Variants in TMEM123 observed in about 807,000 individuals in gnomAD.
The protein encoded by TMEM123 is transmembrane protein 123.
TMEM123 carries 16 observed loss-of-function variants against 19.7 expected under a neutral mutation model. The ratio of observed to expected loss-of-function variants is 0.81; its 90% CI spans 0.55 to 1.23. The LOEUF (loss-of-function observed/expected upper bound fraction) is 1.23, where lower values mean the gene tolerates loss of function less well. Ranked by LOEUF, TMEM123 falls within the 50% of genes most tolerant of loss-of-function variation. The pLI is 0.00. For missense variants in TMEM123, 313 were observed against 257.8 expected (o/e 1.21, Z -1.47); for synonymous variants, 118 against 99.4 (o/e 1.19, Z -1.12).
rs962108555 is a variant in TMEM123, at chr11:102,397,745, T to C, written c.*1122A>G. Reference sequence around the variant, plus strand: ...ATGTCATTTCCCCAAATCTGAGTAATATCGACAGTGCATGAAAGAAAATAT... The same window carrying C: ...ATGTCATTTCCCCAAATCTGAGTAACATCGACAGTGCATGAAAGAAAATAT... On this transcript the variant is annotated 3_prime_UTR_variant, in exon 5 of 5. Transcript: ENST00000398136. The C allele has an allele frequency of 5.9e-5, 9 of 152,214 alleles. No homozygotes were observed. Among genetic ancestry groups the C allele is most frequent in the African/African-American group, 2.2e-4 (9 of 41,464 alleles). The allele number at this position is 152,214 out of a possible 1,614,324, so 9.4% of individuals were successfully genotyped here. A position where few individuals can be genotyped will look rare whatever the true frequency, so the allele number is the denominator to read the frequency against.
Position 102,438,822 on chromosome 11 carries a change from G to A in TMEM123, c.157+9990C>T, listed in dbSNP as rs114889541. ...CACCCGGGAAGCACAAGGGGTTGGGGAATCCCCTTTCCTAGCAAAGGGAAG... is the reference window on the plus strand; with the variant it reads ...CACCCGGGAAGCACAAGGGGTTGGGAAATCCCCTTTCCTAGCAAAGGGAAG... On this transcript the variant is annotated intron_variant, in intron 2 of 4. Transcript: ENST00000398136. Among the ~76,000 whole-genome samples, 1,228 of 152,330 alleles carry A rather than the reference G, an allele frequency of 8.1e-3. 20 individuals are homozygous for A. The highest frequency in any genetic ancestry group is 0.029 in the African/African-American group (1,190 of 41,564).
In TMEM123 at chr11:102,443,283, G is replaced by A. The variant is rs558666364; in HGVS notation, c.157+5529C>T. On this transcript the variant is annotated intron_variant, in intron 2 of 4. Transcript: ENST00000398136. ...AATAAAGCTGGAGGCATCATGCTAC[G>A]TGATTTCAAACTACACTACAAGGCT... 2.9e-4 allele frequency among the ~76,000 whole-genome samples: 44 copies of A among 152,168 alleles called. 1 individual carries two copies. Among genetic ancestry groups the A allele is most frequent in the African/African-American group, 9.4e-4 (39 of 41,516 alleles).
chr11:102,439,173 T>C lies in TMEM123; in HGVS notation c.157+9639A>G, dbSNP rs561674961. Among the ~76,000 whole-genome samples the C allele has an allele frequency of 2.6e-3, 396 of 152,214 alleles. 4 individuals carry two copies. The highest frequency in any genetic ancestry group is 9.0e-3 in the African/African-American group (374 of 41,534). Reference sequence around the variant, plus strand: ...TCCACCTCTGGGAGCAGGGCATACATAGCTGAACAAAGGGCAGTAGAAACT... The same window carrying C: ...TCCACCTCTGGGAGCAGGGCATACACAGCTGAACAAAGGGCAGTAGAAACT... On this transcript the variant is annotated intron_variant, in intron 2 of 4. Coordinates refer to ENST00000398136, the MANE Select transcript of TMEM123 (RefSeq NM_052932.3).
In TMEM123 at chr11:102,401,423, A is replaced by G; in HGVS notation, c.602+116T>C. 6.2e-6 allele frequency: 6 copies of G among 970,050 alleles called. No individual in the cohort carries two copies. The South Asian group carries it at 1.4e-4, about 23-fold the overall frequency. 60.1% of individuals were successfully genotyped at this position (970,050 alleles called of 1,614,324 possible). ...GGCCAAAAGGGTTAATGGGAATATA[A>G]CTCATAAATCTATCAATTATTCATC... On this transcript the variant is annotated intron_variant, in intron 4 of 4. Transcript: ENST00000398136.
intron 2 of TMEM123, among the ~76,000 whole-genome samples, chr11:102,429,174 C>A (rs977184868): frequency 1.3e-5 from 2 of 152,046 alleles, no homozygotes; most frequent in Non-Finnish European, 2.9e-5. Flanking sequence ...CACACTAGAT[C>A]TAGTTCAGTT....
chr11:102,429,169 T>C (rs143826052), intron 2 of TMEM123, among the ~76,000 whole-genome samples: 32 of 152,074 alleles, frequency 2.1e-4, no homozygotes, highest in African/African-American at 6.3e-4. Context: ...CTAGCCACAC[T>C]AGATCTAGTT....
At chr11:102,415,023 A>G (rs1254264507) in intron 2 of TMEM123, among the ~76,000 whole-genome samples, 1 of 152,236 alleles carries the variant, frequency 6.6e-6, no homozygotes, top group Non-Finnish European at 1.5e-5. Flanking sequence ...ATGTAAATCA[A>G]AAAACAACAG....
At position 102,401,984 on chromosome 11, in the gene TMEM123, T is replaced by C. The variant is rs1175212002; in HGVS notation, c.380A>G (p.Gln127Arg). The change falls in exon 3 of 5, where the codon CAG becomes CGG. Residue 127 changes from glutamine (Q) to arginine (R), a missense_variant. Transcript: ENST00000398136. ...KTTSVSQNTS[Q>R]ISTSTMTVTH... ...TACGGTCATTGTGGATGTTGATATC[T>C]GAGATGTGTTCTGTGAAACACTTGT... 11 of 1,614,082 alleles carry C rather than the reference T, an allele frequency of 6.8e-6. No homozygotes were observed. In the East Asian group the frequency reaches 2.0e-4, roughly 29 times the overall value.
chr11:102,422,000 G>A (rs1400681612), intron 2 of TMEM123, among the ~76,000 whole-genome samples: 3 of 152,158 alleles, frequency 2.0e-5, no homozygotes, highest in Non-Finnish European at 4.4e-5. Flanking sequence ...CTCTGAGCCT[G>A]GTGCTCTTGT....
chr11:102,452,688 C>A lies in TMEM123; in HGVS notation c.-65G>T. The A allele has an allele frequency of 7.9e-7, 1 of 1,265,114 alleles. No homozygotes were observed. The highest frequency in any genetic ancestry group is 1.0e-6 in the Non-Finnish European group (1 of 972,568). The allele number at this position is 1,265,114 out of a possible 1,614,324, so 78.4% of individuals were successfully genotyped here. ...GCCGAGGTGGCGGCGGCGAGAGCGG[C>A]TCCTCTGCGCAGCCGGCGCCGGCTC... On this transcript the variant is annotated 5_prime_UTR_variant, in exon 1 of 5. Coordinates refer to ENST00000398136, the MANE Select transcript of TMEM123 (RefSeq NM_052932.3).
intron 2 of TMEM123, among the ~76,000 whole-genome samples, chr11:102,426,673 A>T (rs1952128639): frequency 6.6e-6 from 1 of 152,176 alleles, no homozygotes; most frequent in African/African-American, 2.4e-5. Context: ...CTGCTATGTA[A>T]GTTTTAGCTA....
chr11:102,437,089 T>G (rs12270320), intron 2 of TMEM123, among the ~76,000 whole-genome samples: 5,315 of 152,266 alleles, frequency 0.035, 343 homozygotes, highest in African/African-American at 0.12. Context: ...TCCTGTTAGT[T>G]TTGTTGCTGT....
At chr11:102,399,831 G>A (rs559597371) in intron 4 of TMEM123, among the ~76,000 whole-genome samples, 12 of 152,206 alleles carry the variant, frequency 7.9e-5, no homozygotes, top group African/African-American at 1.9e-4. Flanking sequence ...TTAGCTGGGC[G>A]TGGTGGTAGG....
rs1002722877 is a variant in TMEM123, at chr11:102,398,442, A to C, written c.*425T>G. 2.6e-4 allele frequency: 105 copies of C among 400,950 alleles called. 1 individual carries two copies. Among genetic ancestry groups the C allele is most frequent in the Non-Finnish European group, 2.1e-4 (48 of 228,242 alleles). The allele number at this position is 400,950 out of a possible 1,614,324, so 24.8% of individuals were successfully genotyped here. A position where few individuals can be genotyped will look rare whatever the true frequency, so the allele number is the denominator to read the frequency against. ...GTAATTAAGATATATCCAGCTCTGA[A>C]AAGCACTGAAGTTCTTTATGTGAGC... On this transcript the variant is annotated 3_prime_UTR_variant, in exon 5 of 5. Transcript: ENST00000398136.
intron 2 of TMEM123, among the ~76,000 whole-genome samples, chr11:102,441,906 G>A (rs1390672581): frequency 6.6e-6 from 1 of 152,294 alleles, no homozygotes; most frequent in African/African-American, 2.4e-5. Context: ...ACTACCATCA[G>A]AGAATACTAT....
chr11:102,412,856 G>C (rs1265921208), intron 2 of TMEM123, among the ~76,000 whole-genome samples: 1 of 152,090 alleles, frequency 6.6e-6, no homozygotes, highest in African/African-American at 2.4e-5. Context: ...GAAATGACAG[G>C]TTCTCAACAA....
chr11:102,449,169 T>A, intron 1 of TMEM123: 1 of 301,328 alleles, frequency 3.3e-6, no homozygotes, highest in Admixed American at 4.3e-5. Flanking sequence ...ACCCACACAA[T>A]TGGGGACAGA....
intron 2 of TMEM123, among the ~76,000 whole-genome samples, chr11:102,437,179 A>C (rs1857772178): frequency 6.6e-6 from 1 of 152,146 alleles, no homozygotes; most frequent in Admixed American, 6.5e-5. Context: ...TCTAACACCC[A>C]TTCATCATGA....
intron 2 of TMEM123, among the ~76,000 whole-genome samples, chr11:102,437,623 C>G (rs1221327225): frequency 1.3e-5 from 2 of 152,086 alleles, no homozygotes; most frequent in Non-Finnish European, 2.9e-5. Flanking sequence ...GGAAAGAAAG[C>G]ACCAGTGCAG....
Sources: gnomAD v4.1 joint callset for allele counts (sites outside exome capture counted in the v4.1 genomes callset) on GRCh38, gnomAD v4.1.1 for gene constraint, MANE v1.5 for transcripts, NCBI Gene and HGNC (gene_info 2026-07-23, HGNC 2026-07-21) for gene names.